The following KALRN variants were observed in gnomAD, a reference collection of about 807,000 sequenced individuals.
The protein encoded by KALRN is kalirin RhoGEF kinase, also known as kalirin.
A neutral mutation model predicts 353.7 loss-of-function variants in KALRN; 70 were observed. The ratio of observed to expected loss-of-function variants is 0.20; its 90% CI spans 0.16 to 0.24. KALRN has a LOEUF of 0.24. Ranked by LOEUF, KALRN falls within the 10% of genes least tolerant of loss-of-function variation. The pLI is 1.00. For synonymous variants in KALRN, 1,391 were observed against 1,434.8 expected, an observed-to-expected ratio of 0.97 and a Z score of 0.69; for missense variants, 2,791 against 3,756.7, an observed-to-expected ratio of 0.74 and a Z score of 6.72.
chr3:124,377,642 G>A (rs958584959), intron 10 of KALRN, among the ~76,000 whole-genome samples: 12 of 152,118 alleles, frequency 7.9e-5, no homozygotes, highest in Non-Finnish European at 4.4e-5. Context: ...AGGGGGCATA[G>A]AATCTCTGAC....
chr3:124,669,897 CAAG>C (rs1394284059), intron 47 of KALRN, among the ~76,000 whole-genome samples: 2 of 149,632 alleles, frequency 1.3e-5, no homozygotes, highest in Admixed American at 1.3e-4. Flanking sequence ...TATGGAATGA[CAAG>C]AAAAAAAACT....
rs77741776 is a variant in KALRN, at chr3:124,676,898, A to C, written c.7194-1292A>C. ...GCAGGGGACAGTAGAGAGCCTGACT[A>C]GTTAGGAGATACAAGAGTTTTTGAA... On this transcript the variant is annotated intron_variant, in intron 49 of 59. Coordinates refer to ENST00000682506, the MANE Select transcript of KALRN (RefSeq NM_001388419.1). Among the ~76,000 whole-genome samples the C allele has an allele frequency of 2.6e-4, 39 of 152,310 alleles. No individual in the cohort carries two copies. The East Asian group carries it at 7.1e-3, about 28-fold the overall frequency.
intron 1 of KALRN, among the ~76,000 whole-genome samples, chr3:124,041,551 CA>C (rs2039969743): frequency 6.6e-6 from 1 of 152,166 alleles, no homozygotes; most frequent in African/African-American, 2.4e-5. Context: ...TACAGCAGGT[CA>C]GGGGACCCCT....
chr3:124,090,058 C>T (rs746279443), intron 1 of KALRN, among the ~76,000 whole-genome samples: 3 of 152,018 alleles, frequency 2.0e-5, no homozygotes, highest in South Asian at 2.1e-4. Flanking sequence ...CCAGGGTAGA[C>T]GAGCTTTATA....
At chr3:124,245,896 T>C (rs2081071301) in intron 3 of KALRN, among the ~76,000 whole-genome samples, 1 of 152,170 alleles carries the variant, frequency 6.6e-6, no homozygotes, top group Non-Finnish European at 1.5e-5. Flanking sequence ...TTAAAGCTGG[T>C]GGGACAACTC....
intron 1 of KALRN, among the ~76,000 whole-genome samples, chr3:124,037,959 T>A (rs1247824818): frequency 6.6e-6 from 1 of 152,158 alleles, no homozygotes; most frequent in Non-Finnish European, 1.5e-5. Context: ...GGAGTTGTTT[T>A]GTCAGCAGTT....
chr3:124,270,507 T>TA (rs1044398749), intron 5 of KALRN, among the ~76,000 whole-genome samples: 3 of 152,200 alleles, frequency 2.0e-5, no homozygotes, highest in African/African-American at 4.8e-5. Context: ...TAACATATAG[T>TA]AAAAAAATTA....
At chr3:124,103,949 C>A (rs1055647116) in intron 1 of KALRN, among the ~76,000 whole-genome samples, 2 of 151,990 alleles carry the variant, frequency 1.3e-5, no homozygotes, top group African/African-American at 4.8e-5. Flanking sequence ...GAGCGAGACT[C>A]CATCTCCAAG....
chr3:124,480,192 G>T (rs914180877), intron 27 of KALRN, among the ~76,000 whole-genome samples: 3 of 152,014 alleles, frequency 2.0e-5, no homozygotes, highest in Admixed American at 6.6e-5. Context: ...TCTTGCCAAA[G>T]CTCCCAGATA....
Position 124,034,264 on chromosome 3 carries a change from A to T in KALRN, c.73+451A>T, listed in dbSNP as rs531027471. ...TCGCCGTCGGGGGCCCGGGGCCCTG[A>T]TGTGCACAGAGGGGCGGCGGGGACC... On this transcript the variant is annotated intron_variant, in intron 1 of 59. Transcript: ENST00000682506. 5.8e-3 allele frequency among the ~76,000 whole-genome samples: 882 copies of T among 152,088 alleles called. 10 individuals are homozygous for T. The highest frequency in any genetic ancestry group is 0.02 in the African/African-American group (826 of 41,518).
intron 34 of KALRN, among the ~76,000 whole-genome samples, chr3:124,607,241 C>T (rs983117152): frequency 1.3e-5 from 2 of 152,194 alleles, no homozygotes; most frequent in Admixed American, 1.3e-4. Flanking sequence ...AATAGAAGAT[C>T]CAAACATAGG....
At chr3:124,210,187 A>G (rs908616667) in intron 1 of KALRN, among the ~76,000 whole-genome samples, 8 of 152,200 alleles carry the variant, frequency 5.3e-5, no homozygotes, top group Non-Finnish European at 5.9e-5. Flanking sequence ...TTTAGAGTTA[A>G]ATGAAATAAT....
chr3:124,185,130 C>T (rs143916679), intron 1 of KALRN, among the ~76,000 whole-genome samples: 2 of 152,296 alleles, frequency 1.3e-5, no homozygotes, highest in East Asian at 3.9e-4. Flanking sequence ...ATTCTCCTAC[C>T]TCAGCCTCCC....
At chr3:124,668,818 T>C (rs896678007) in intron 47 of KALRN, among the ~76,000 whole-genome samples, 5 of 152,160 alleles carry the variant, frequency 3.3e-5, no homozygotes, top group Admixed American at 6.5e-5. Context: ...ATGAACACTT[T>C]TGTTGATAAA....
chr3:124,474,071 GGT>G (rs1241278015), intron 25 of KALRN, among the ~76,000 whole-genome samples: 2 of 152,086 alleles, frequency 1.3e-5, no homozygotes, highest in Non-Finnish European at 2.9e-5. Flanking sequence ...TATCCACACT[GGT>G]GGATAACAGT....
intron 33 of KALRN, chr3:124,518,609 G>A: frequency 3.3e-6 from 5 of 1,536,602 alleles, no homozygotes; most frequent in Non-Finnish European, 4.4e-6. Flanking sequence ...AGGGCAACAT[G>A]TTCCAAGCAA....
chr3:124,434,240 C>T (rs1346618936), intron 16 of KALRN, 67 bp from the exon 17 acceptor site: 2 of 1,261,556 alleles, frequency 1.6e-6, no homozygotes, highest in Non-Finnish European at 2.3e-6. Context: ...TCACGCCTCA[C>T]TCCACCCCCT....
At chr3:124,238,796 G>T (rs896128345) in intron 3 of KALRN, among the ~76,000 whole-genome samples, 1 of 152,130 alleles carries the variant, frequency 6.6e-6, no homozygotes. Context: ...TGACTTATTC[G>T]TTCAGCGTCC....
At chr3:124,099,692 G>A (rs545479784) in intron 1 of KALRN, among the ~76,000 whole-genome samples, 5 of 152,282 alleles carry the variant, frequency 3.3e-5, no homozygotes, top group African/African-American at 9.6e-5. Context: ...GTGTATAAGA[G>A]TTCCCTTTTC....
Sources: allele counts gnomAD v4.1 joint callset (sites outside exome capture counted in the v4.1 genomes callset), GRCh38; gene constraint gnomAD v4.1.1; transcripts MANE v1.5; gene names NCBI Gene and HGNC (gene_info 2026-07-23, HGNC 2026-07-21).